Variants in EXOC6B observed in about 807,000 individuals in gnomAD.
The protein encoded by EXOC6B is SEC15 homolog B.
In EXOC6B, 54 loss-of-function variants were observed where a neutral mutation model predicts 113.5. That is an observed-to-expected ratio of 0.48 (90% confidence interval 0.38 to 0.60). EXOC6B has a LOEUF of 0.60. EXOC6B is among the 20% of genes least tolerant of loss of function. The pLI, the probability that EXOC6B is intolerant of heterozygous loss-of-function variation, is 0.00. For synonymous variants in EXOC6B, 357 were observed against 339.0 expected, an observed-to-expected ratio of 1.05 and a Z score of -0.58; for missense variants, 797 against 977.5, an observed-to-expected ratio of 0.82 and a Z score of 2.46.
chr2:72,466,344 C>CAAAA (rs551509210), intron 17 of EXOC6B, among the ~76,000 whole-genome samples: 3 of 82,312 alleles, frequency 3.6e-5, no homozygotes, highest in Non-Finnish European at 7.0e-5. Context: ...GACTCCACCT[C>CAAAA]AAAAAAAAAA....
rs188040351 is a variant in EXOC6B, at chr2:72,780,090, C to T, written c.114-38621G>A. The stretch of plus-strand genomic sequence containing the variant: ...CACACTGAGTTTCTGTCACTTGCAA[C>T]CAAAGAGTCCCAACCATTACATGTA... On this transcript the variant is annotated intron_variant, in intron 1 of 21. Transcript: ENST00000272427. Among the ~76,000 whole-genome samples, 172 of 152,170 alleles carry T rather than the reference C, an allele frequency of 1.1e-3. 1 individual carries two copies. The highest frequency in any genetic ancestry group is 6.8e-3 in the Middle Eastern group (2 of 294).
rs1487141869 is a variant in EXOC6B at position 72,692,071 on chromosome 2, ATG to A, written c.669+26030_669+26031del. Among the ~76,000 whole-genome samples, 3 of 152,142 alleles carry A rather than the reference ATG, an allele frequency of 2.0e-5. 1 individual carries two copies. The highest frequency in any genetic ancestry group is 2.0e-4 in the Admixed American group (3 of 15,280). ...TGTTTTTAACATATACACAATAGCT[ATG>A]TGTTGATTGAAAGAATAAACGAACA... On this transcript the variant is annotated intron_variant, in intron 6 of 21. Coordinates refer to ENST00000272427, the MANE Select transcript of EXOC6B (RefSeq NM_015189.3).
rs557409685 is a variant in EXOC6B, at chr2:72,825,476, G to C, written c.113+322C>G. ...GGAGGGAGAAGGGTGATGTCCCCAGGGGGAAGATCTGCCGGGAGCCACCAC... is the reference window on the plus strand; with the variant it reads ...GGAGGGAGAAGGGTGATGTCCCCAGCGGGAAGATCTGCCGGGAGCCACCAC... On this transcript the variant is annotated intron_variant, in intron 1 of 21. Transcript: ENST00000272427. The surrounding 1 kb of genome is among the most constrained non-coding windows in gnomAD (Gnocchi z 4.4). Among the ~76,000 whole-genome samples, 1 of 152,342 alleles carries C rather than the reference G, an allele frequency of 6.6e-6. No individual in the cohort carries two copies. The highest frequency in any genetic ancestry group is 2.1e-4 in the South Asian group (1 of 4,828).
At chr2:72,657,822 T>C (rs1218962673) in intron 6 of EXOC6B, among the ~76,000 whole-genome samples, 2 of 151,394 alleles carry the variant, frequency 1.3e-5, no homozygotes, top group Non-Finnish European at 2.9e-5. Context: ...CTGAAATGCA[T>C]TTACTTTTTT....
Position 72,465,324 on chromosome 2 carries a change from C to G in EXOC6B, c.1816G>C (p.Ala606Pro), listed in dbSNP as rs746666011. 4 of 1,597,252 alleles carry G rather than the reference C, an allele frequency of 2.5e-6. No individual in the cohort carries two copies. Among genetic ancestry groups the G allele is most frequent in the Non-Finnish European group, 3.4e-6 (4 of 1,171,542 alleles). ...AAGTTGGTATAAATCTCTTCTTCAG[C>G]TGCATGTCTAGCATCCTGTGAAAAA... is the stretch of plus-strand genomic sequence containing the variant. The part of the protein sequence containing the change: ...TTTFKDARHA[A>P]EEEIYTNLNQ... The change falls in exon 18 of 22, where the codon GCT becomes CCT. Residue 606 changes from alanine (A) to proline (P), a missense_variant. Ala to Pro is a conservative substitution (Grantham distance 27). Coordinates refer to ENST00000272427, the MANE Select transcript of EXOC6B (RefSeq NM_015189.3).
At chr2:72,580,657 G>C (rs1182009457) in intron 6 of EXOC6B, among the ~76,000 whole-genome samples, 1 of 152,128 alleles carries the variant, frequency 6.6e-6, no homozygotes, top group Non-Finnish European at 1.5e-5. Context: ...GTTCTGAACA[G>C]GCCTGGAAGC....
chr2:72,517,588 T>G (rs954703841), intron 8 of EXOC6B, among the ~76,000 whole-genome samples: 1 of 152,200 alleles, frequency 6.6e-6, no homozygotes, highest in Non-Finnish European at 1.5e-5. Context: ...TATTCTCAAG[T>G]TGTCACCATT....
At chr2:72,195,530 T>C (rs1243208741) in intron 20 of EXOC6B, among the ~76,000 whole-genome samples, 1 of 152,178 alleles carries the variant, frequency 6.6e-6, no homozygotes. Flanking sequence ...TCTTGCAGTA[T>C]AGTGTGACTT....
chr2:72,236,798 G>A (rs1008372072), intron 20 of EXOC6B, among the ~76,000 whole-genome samples: 3 of 151,972 alleles, frequency 2.0e-5, no homozygotes, highest in Non-Finnish European at 4.4e-5. Context: ...CAAAATTCAG[G>A]GGACCATGGG....
At chr2:72,459,899 T>G (rs1235541148) in intron 18 of EXOC6B, among the ~76,000 whole-genome samples, 3 of 152,028 alleles carry the variant, frequency 2.0e-5, no homozygotes, top group Admixed American at 6.6e-5. Context: ...CATCGCCAAG[T>G]CAATCCTAAG....
chr2:72,369,705 C>T lies in EXOC6B; in HGVS notation c.2122+10024G>A, dbSNP rs181115231. Among the ~76,000 whole-genome samples the T allele has an allele frequency of 5.6e-3, 848 of 152,230 alleles. 10 individuals are homozygous for T. Among genetic ancestry groups the T allele is most frequent in the African/African-American group, 0.019 (791 of 41,526 alleles). ...CAGAACAGAGCCCTCAGAAATAATA[C>T]TACACATCTACAACTATCTGATCTT... On this transcript the variant is annotated intron_variant, in intron 19 of 21. Transcript: ENST00000272427.
intron 20 of EXOC6B, among the ~76,000 whole-genome samples, chr2:72,268,117 T>C (rs1045842822): frequency 6.6e-6 from 1 of 152,102 alleles, no homozygotes; most frequent in African/African-American, 2.4e-5. Flanking sequence ...TTTTGTTTTG[T>C]TTTGTTTTTT....
At chr2:72,759,526 C>A (rs544476218) in intron 1 of EXOC6B, among the ~76,000 whole-genome samples, 20 of 152,264 alleles carry the variant, frequency 1.3e-4, no homozygotes, top group Admixed American at 3.3e-4. Context: ...TCTTGTGAGA[C>A]CTTTTGGGAC....
intron 11 of EXOC6B, among the ~76,000 whole-genome samples, chr2:72,509,489 T>C (rs1257332555): frequency 6.6e-6 from 1 of 152,102 alleles, no homozygotes; most frequent in South Asian, 2.1e-4. Context: ...ACAGAAATAC[T>C]AAAATCAAAT....
chr2:72,210,046 T>G (rs926202062), intron 20 of EXOC6B, among the ~76,000 whole-genome samples: 6 of 152,204 alleles, frequency 3.9e-5, no homozygotes, highest in Admixed American at 6.5e-5. Context: ...AAGACTTTCT[T>G]TTGGTGGGTA....
At position 72,397,660 on chromosome 2, in the gene EXOC6B, T is replaced by TAAAATAAAATAAAATAAAAAAATA. The variant is rs146573352; in HGVS notation, c.1981-17791_1981-17790insTATTTTTTTATTTTATTTTATTTT. On this transcript the variant is annotated intron_variant, in intron 18 of 21. Coordinates refer to ENST00000272427, the MANE Select transcript of EXOC6B (RefSeq NM_015189.3). ...TAAAATAAAATAAAATAAAATAAAA[T>TAAAATAAAATAAAATAAAAAAATA]TATATATATATACACTCATATATTC... Among the ~76,000 whole-genome samples the TAAAATAAAATAAAATAAAAAAATA allele has an allele frequency of 1.5e-4, 21 of 139,894 alleles. 1 individual carries two copies. Among genetic ancestry groups the TAAAATAAAATAAAATAAAAAAATA allele is most frequent in the African/African-American group, 6.3e-4 (21 of 33,160 alleles). 91.8% of individuals were successfully genotyped at this position (139,894 alleles called of 152,430 possible).
intron 18 of EXOC6B, among the ~76,000 whole-genome samples, chr2:72,383,886 C>G (rs969717475): frequency 1.3e-5 from 2 of 151,962 alleles, no homozygotes; most frequent in Middle Eastern, 3.2e-3. Context: ...CCTTAAGAAA[C>G]TAAAGCAGGA....
chr2:72,715,379 T>A (rs577252617), intron 6 of EXOC6B, among the ~76,000 whole-genome samples: 5 of 150,666 alleles, frequency 3.3e-5, no homozygotes, highest in African/African-American at 9.7e-5. Flanking sequence ...GTATGCCTCC[T>A]AAGGAATGTA....
chr2:72,600,196 T>C (rs894439942), intron 6 of EXOC6B, among the ~76,000 whole-genome samples: 3 of 151,922 alleles, frequency 2.0e-5, no homozygotes, highest in Non-Finnish European at 4.4e-5. Flanking sequence ...ATCCCAGCAC[T>C]TTGGGAGGCC....
Sources: allele counts gnomAD v4.1 joint callset (sites outside exome capture counted in the v4.1 genomes callset), GRCh38; gene constraint gnomAD v4.1.1; non-coding constraint Gnocchi (gnomAD v3.1); transcripts MANE v1.5; gene names NCBI Gene and HGNC (gene_info 2026-07-23, HGNC 2026-07-21).